CCSER2: variants seen among roughly 807,000 people sequenced by gnomAD.
The protein encoded by CCSER2 is serine-rich coiled-coil domain-containing protein 2.
In CCSER2, 46 loss-of-function variants were observed where a neutral mutation model predicts 92.3. That is an observed-to-expected ratio of 0.50 (90% CI 0.39 to 0.64). The LOEUF is 0.64. Among genes scored for constraint, CCSER2 ranks in the 30% least tolerant of loss-of-function variants. The pLI, the probability that CCSER2 is intolerant of heterozygous loss-of-function variation, is 0.00. For synonymous variants in CCSER2, 433 were observed against 431.4 expected (o/e 1.00, Z -0.04); for missense variants, 1,244 against 1,238.9 (o/e 1.00, Z -0.06).
chr10:84,377,781 C>A lies in CCSER2; in HGVS notation c.1614+3966C>A, dbSNP rs189384110. 1.8e-3 allele frequency among the ~76,000 whole-genome samples: 267 copies of A among 152,232 alleles called. 1 individual carries two copies. The highest frequency in any genetic ancestry group is 6.2e-3 in the African/African-American group (257 of 41,536). ...CCATTAATTTCAGACTTTAGAAATA[C>A]TTCTTGCTAATGTTTTGTACTTTTC... On this transcript the variant is annotated intron_variant, in intron 3 of 9. Coordinates refer to ENST00000372088, the MANE Select transcript of CCSER2 (RefSeq NM_001284240.2).
At chr10:84,492,868 T>A (rs1848248361) in intron 9 of CCSER2, among the ~76,000 whole-genome samples, 1 of 152,194 alleles carries the variant, frequency 6.6e-6, no homozygotes, top group African/African-American at 2.4e-5. Flanking sequence ...AGTATTTTGT[T>A]AAAGATTTTT....
intron 9 of CCSER2, among the ~76,000 whole-genome samples, chr10:84,501,859 AC>A (rs1232506706): frequency 1.2e-4 from 10 of 86,820 alleles, no homozygotes; most frequent in East Asian, 3.2e-4. Flanking sequence ...ATATATATAT[AC>A]TCATATATAT....
chr10:84,510,070 C>T (rs1849272438), intron 9 of CCSER2, among the ~76,000 whole-genome samples: 1 of 152,110 alleles, frequency 6.6e-6, no homozygotes, highest in African/African-American at 2.4e-5. Flanking sequence ...CTATATCTCC[C>T]ATCATCTACA....
chr10:84,357,356 C>T (rs560770195), intron 1 of CCSER2, among the ~76,000 whole-genome samples: 1 of 152,192 alleles, frequency 6.6e-6, no homozygotes, highest in Non-Finnish European at 1.5e-5. Context: ...CCATAGAAAC[C>T]TTGAAAATTC....
intron 3 of CCSER2, among the ~76,000 whole-genome samples, chr10:84,406,789 A>T (rs774691559): frequency 1.3e-5 from 2 of 152,228 alleles, no homozygotes; most frequent in Admixed American, 6.5e-5. Context: ...ACTCTTTCCC[A>T]CATTAACCAA....
Position 84,514,077 on chromosome 10 carries a change from C to T in CCSER2, c.2954C>T (p.Ser985Leu), listed in dbSNP as rs1475215224. The stretch of plus-strand genomic sequence containing the variant: ...AAAGCATCTAAGCTCCGCCCCCCCT[C>T]AGGCTCTTTCAAACAAAAACAAACA... The part of the protein sequence containing the change: ...NLKASKLRPP[S>L]GSFKQKQTNS... Residue 985 changes from serine to leucine, a missense_variant, in exon 10 of 10, where the codon TCA becomes TTA. Coordinates refer to ENST00000372088, the MANE Select transcript of CCSER2 (RefSeq NM_001284240.2). 6.5e-7 allele frequency: 1 copy of T among 1,536,152 alleles called. No homozygotes were observed. The highest frequency in any genetic ancestry group is 1.4e-5 in the African/African-American group (1 of 73,010).
intron 5 of CCSER2, among the ~76,000 whole-genome samples, chr10:84,430,506 G>A (rs1843706456): frequency 6.6e-6 from 1 of 152,160 alleles, no homozygotes; most frequent in South Asian, 2.1e-4. Flanking sequence ...CTTTGAATCA[G>A]CTCAAACCAA....
intron 6 of CCSER2, among the ~76,000 whole-genome samples, chr10:84,450,574 C>A (rs1845219018): frequency 6.6e-6 from 1 of 152,046 alleles, no homozygotes; most frequent in Non-Finnish European, 1.5e-5. Context: ...GACTCCAAGG[C>A]CAATAAATCA....
intron 9 of CCSER2, among the ~76,000 whole-genome samples, chr10:84,479,604 A>G (rs17719487): frequency 0.095 from 14,463 of 152,280 alleles, 794 homozygotes; most frequent in Non-Finnish European, 0.12. Context: ...ACTTCATGCC[A>G]GGCACTGTAT....
chr10:84,371,753 C>T lies in CCSER2; in HGVS notation c.701C>T (p.Pro234Leu). 2 of 1,613,396 alleles carry T rather than the reference C, an allele frequency of 1.2e-6. No individual in the cohort carries two copies. Among genetic ancestry groups the T allele is most frequent in the African/African-American group, 2.7e-5 (2 of 74,978 alleles). The change falls in exon 2 of 10, where the codon CCA (proline) becomes CTA (leucine). Residue 234 changes from proline (P) to leucine (L), a missense_variant. By Grantham distance (98) the Pro-to-Leu change is moderately conservative (BLOSUM62 -3). Coordinates refer to ENST00000372088, the MANE Select transcript of CCSER2 (RefSeq NM_001284240.2). ...CATTCCATTCAGAATTCATTCCTTC[C>T]ACCTTCATCTATAACCAGATCACAT... Reference protein sequence around the residue: ...FSHSIQNSFLPPSSITRSHSF... With the variant: ...FSHSIQNSFLLPSSITRSHSF...
At chr10:84,463,532 T>C (rs1465910594) in intron 6 of CCSER2, among the ~76,000 whole-genome samples, 1 of 152,222 alleles carries the variant, frequency 6.6e-6, no homozygotes, top group Non-Finnish European at 1.5e-5. Flanking sequence ...GGTTACTTAA[T>C]ATTATTGTTT....
intron 3 of CCSER2, among the ~76,000 whole-genome samples, chr10:84,404,986 A>T (rs1842306246): frequency 1.3e-5 from 2 of 152,212 alleles, no homozygotes; most frequent in Admixed American, 6.5e-5. Flanking sequence ...TCCCAAAGTG[A>T]TGCAATACCA....
intron 3 of CCSER2, chr10:84,390,840 C>A: frequency 1.8e-6 from 1 of 546,274 alleles, no homozygotes; most frequent in South Asian, 2.0e-5. Flanking sequence ...TCTTGGACAT[C>A]TTAATCTTAA....
Position 84,373,781 on chromosome 10 carries a change from T to C in CCSER2, c.1580T>C (p.Val527Ala). The C allele has an allele frequency of 1.9e-6, 3 of 1,613,720 alleles. No individual in the cohort carries two copies. The highest frequency in any genetic ancestry group is 2.5e-6 in the Non-Finnish European group (3 of 1,179,720). Reference protein sequence around the residue: ...GLEPIGNVHPVGSYESSEMNS... With the variant: ...GLEPIGNVHPAGSYESSEMNS... ...GAACCCATTGGAAATGTCCATCCAGTTGGGAGCTATGAGTCCTCTGAAATG... is the reference window on the plus strand; with the variant it reads ...GAACCCATTGGAAATGTCCATCCAGCTGGGAGCTATGAGTCCTCTGAAATG... Residue 527 changes from valine to alanine, a missense_variant, in exon 3 of 10, where the codon GTT (valine) becomes GCT (alanine). By Grantham distance (64) the Val-to-Ala change is moderately conservative. Coordinates refer to ENST00000372088, the MANE Select transcript of CCSER2 (RefSeq NM_001284240.2).
chr10:84,438,016 A>C (rs1438743271), intron 5 of CCSER2, among the ~76,000 whole-genome samples: 2 of 152,200 alleles, frequency 1.3e-5, no homozygotes, highest in Admixed American at 6.5e-5. Context: ...ATGCTTTATT[A>C]GTAATATAAA....
intron 6 of CCSER2, among the ~76,000 whole-genome samples, chr10:84,460,451 C>T (rs891636240): frequency 2.0e-5 from 3 of 151,424 alleles, no homozygotes; most frequent in African/African-American, 7.3e-5. Flanking sequence ...TCTTCTTATA[C>T]TGTCTTTGTT....
At chr10:84,408,399 G>T (rs1353631667) in intron 3 of CCSER2, among the ~76,000 whole-genome samples, 1 of 152,016 alleles carries the variant, frequency 6.6e-6, no homozygotes, top group South Asian at 2.1e-4. Context: ...ATATATGTTT[G>T]ATTTTCTTTT....
intron 3 of CCSER2, among the ~76,000 whole-genome samples, chr10:84,380,525 C>A (rs1840841032): frequency 6.6e-6 from 1 of 151,392 alleles, no homozygotes; most frequent in South Asian, 2.1e-4. Flanking sequence ...TCATATATGG[C>A]GTGTGTGTGT....
rs550555709 is a variant in CCSER2 at position 84,432,851 on chromosome 10, C to T, written c.1869-5661C>T. ...TCATATTATAGGAATTTTATAGTTT[C>T]GCATTTTGCATTTAGGCCTTTGATC... On this transcript the variant is annotated intron_variant, in intron 5 of 9. Coordinates refer to ENST00000372088, the MANE Select transcript of CCSER2 (RefSeq NM_001284240.2). Among the ~76,000 whole-genome samples the T allele has an allele frequency of 7.2e-5, 11 of 152,174 alleles. No homozygotes were observed. In the South Asian group the frequency reaches 1.5e-3, roughly 20 times the overall value.
Sources: gnomAD v4.1 joint callset for allele counts (sites outside exome capture counted in the v4.1 genomes callset) on GRCh38, gnomAD v4.1.1 for gene constraint, MANE v1.5 for transcripts, NCBI Gene and HGNC (gene_info 2026-07-23, HGNC 2026-07-21) for gene names.